WWC2: variants seen among roughly 807,000 people sequenced by gnomAD.
WWC2 encodes WW and C2 domain containing 2.
WWC2 carries 101 observed loss-of-function variants against 138.5 expected under a neutral mutation model. That is an observed-to-expected ratio of 0.73 (90% CI 0.62 to 0.86). The LOEUF (loss-of-function observed/expected upper bound fraction) is 0.86, where lower values mean the gene tolerates loss of function less well. Among genes scored for constraint, WWC2 ranks in the 40% least tolerant of loss-of-function variants. The pLI is 0.00. For missense variants in WWC2, 1,420 were observed against 1,419.4 expected, an observed-to-expected ratio of 1.00 and a Z score of -0.01; for synonymous variants, 558 against 538.4, an observed-to-expected ratio of 1.04 and a Z score of -0.50.
intron 1 of WWC2, among the ~76,000 whole-genome samples, chr4:183,141,669 G>C (rs906612358): frequency 6.6e-6 from 1 of 152,062 alleles, no homozygotes; most frequent in African/African-American, 2.4e-5. Context: ...TGTAGGTGCC[G>C]GTGTGTTGCA....
chr4:183,299,445 A>G (rs1370163738), intron 21 of WWC2, among the ~76,000 whole-genome samples: 1 of 152,182 alleles, frequency 6.6e-6, no homozygotes, highest in Non-Finnish European at 1.5e-5. Flanking sequence ...CCTGCTTTCA[A>G]AATGATTTGA....
chr4:183,320,623 C>T lies in WWC2; in HGVS notation c.*4894C>T, dbSNP rs1321840301. The T allele has an allele frequency of 4.9e-6, 1 of 204,856 alleles. No individual in the cohort carries two copies. Among genetic ancestry groups the T allele is most frequent in the African/African-American group, 2.4e-5 (1 of 42,500 alleles). 12.7% of individuals were successfully genotyped at this position (204,856 alleles called of 1,614,324 possible). A position where few individuals can be genotyped will look rare whatever the true frequency, so the allele number is the denominator to read the frequency against. ...AACTGATGGTTTTGGTTCAACTCCTCCTGCTTTGTGTTTCACTAACTGCAC... is the reference window on the plus strand; with the variant it reads ...AACTGATGGTTTTGGTTCAACTCCTTCTGCTTTGTGTTTCACTAACTGCAC... On this transcript the variant is annotated 3_prime_UTR_variant, in exon 23 of 23. Coordinates refer to ENST00000403733, the MANE Select transcript of WWC2 (RefSeq NM_024949.6).
chr4:183,211,289 G>A (rs891468857), intron 4 of WWC2, among the ~76,000 whole-genome samples: 1 of 151,892 alleles, frequency 6.6e-6, no homozygotes, highest in African/African-American at 2.4e-5. Context: ...GACCAGCCTG[G>A]GCATCATAAC....
At chr4:183,297,591 G>T (rs530928525) in intron 21 of WWC2, among the ~76,000 whole-genome samples, 19 of 152,062 alleles carry the variant, frequency 1.2e-4, no homozygotes, top group African/African-American at 4.1e-4. Flanking sequence ...TTTATATTTA[G>T]TAGAGATGGG....
At chr4:183,174,464 AGTTTGCTTCCCACCGTCCCAAATT>A (rs1171117946) in intron 1 of WWC2, among the ~76,000 whole-genome samples, 1 of 152,112 alleles carries the variant, frequency 6.6e-6, no homozygotes, top group Non-Finnish European at 1.5e-5. Context: ...ACCACGCTGC[AGTTTGCTTCCCACCGTCCCAAATT>A]TTGTTGTTCT....
chr4:183,168,282 C>T (rs1037804455), intron 1 of WWC2, among the ~76,000 whole-genome samples: 4 of 151,082 alleles, frequency 2.6e-5, no homozygotes, highest in African/African-American at 9.8e-5. Context: ...TTCTTAGGAC[C>T]CATTGCCAAT....
chr4:183,298,505 C>A (rs891484263), intron 21 of WWC2, among the ~76,000 whole-genome samples: 11 of 152,192 alleles, frequency 7.2e-5, no homozygotes, highest in Non-Finnish European at 1.2e-4. Context: ...GTGTCAGAGT[C>A]AGATCTTAGA....
rs776759168 is a variant in WWC2, at chr4:183,271,115, T to G, written c.2436T>G (p.Phe812Leu). Residue 812 changes from phenylalanine (F) to leucine (L), a missense_variant, in exon 16 of 23, where the codon TTT becomes TTG. Physicochemically the swap from Phe to Leu is conservative, Grantham distance 22. Coordinates refer to ENST00000403733, the MANE Select transcript of WWC2 (RefSeq NM_024949.6). ...AGATCAGCCTGGCAGATTTACCATT[T>G]TCCAGTGAGGTTTTCACTCTATGGT... is the stretch of plus-strand genomic sequence containing the variant. ...GTQISLADLP[F>L]SSEVFTLWYN... 1.2e-6 allele frequency: 2 copies of G among 1,608,728 alleles called. No homozygotes were observed. The highest frequency in any genetic ancestry group is 2.2e-5 in the South Asian group (2 of 89,746).
intron 1 of WWC2, among the ~76,000 whole-genome samples, chr4:183,167,083 A>G (rs1734149818): frequency 6.6e-6 from 1 of 152,190 alleles, no homozygotes; most frequent in African/African-American, 2.4e-5. Flanking sequence ...ACAAACCACC[A>G]TGGTTTGTGA....
intron 15 of WWC2, chr4:183,269,685 C>T: frequency 3.4e-5 from 12 of 354,580 alleles, no homozygotes; most frequent in South Asian, 2.6e-4. Context: ...ACATAATTCA[C>T]TGTTACAAAT....
At chr4:183,250,606 C>A (rs1267252881) in intron 8 of WWC2, among the ~76,000 whole-genome samples, 4 of 151,712 alleles carry the variant, frequency 2.6e-5, no homozygotes, top group African/African-American at 9.7e-5. Context: ...TCAACAACAA[C>A]AACAAAAAAG....
At position 183,319,646 on chromosome 4, in the gene WWC2, G is replaced by A. The variant is rs758374149; in HGVS notation, c.*3917G>A. 131 of 1,614,136 alleles carry A rather than the reference G, an allele frequency of 8.1e-5. 2 individuals carry two copies. In the South Asian group the frequency reaches 1.1e-3, roughly 13 times the overall value. On this transcript the variant is annotated 3_prime_UTR_variant, in exon 23 of 23. Transcript: ENST00000403733. ...CGTAGTGGCCCGAAGCTAGGGGAGCGTGGCTGGAGCAGGCTGCACAGTGGA... is the reference window on the plus strand; with the variant it reads ...CGTAGTGGCCCGAAGCTAGGGGAGCATGGCTGGAGCAGGCTGCACAGTGGA...
In WWC2 at chr4:183,284,210, T is replaced by A; in HGVS notation, c.2884-16T>A. 1 of 1,609,736 alleles carries A rather than the reference T, an allele frequency of 6.2e-7. No homozygotes were observed. The highest frequency in any genetic ancestry group is 8.5e-7 in the Non-Finnish European group (1 of 1,176,586). ...ACATCTTTCAGCTCCTGACAAATTGTTAACTTCTCTTATAGGTTGACAAAG... is the reference window on the plus strand; with the variant it reads ...ACATCTTTCAGCTCCTGACAAATTGATAACTTCTCTTATAGGTTGACAAAG... On this transcript the variant is annotated splice_polypyrimidine_tract_variant and intron_variant, in intron 18 of 22. Coordinates refer to ENST00000403733, the MANE Select transcript of WWC2 (RefSeq NM_024949.6).
intron 1 of WWC2, among the ~76,000 whole-genome samples, chr4:183,158,465 G>T (rs1007209747): frequency 6.6e-6 from 1 of 151,456 alleles, no homozygotes; most frequent in African/African-American, 2.4e-5. Context: ...GTCTTCACAT[G>T]GTCTTTCCTG....
intron 15 of WWC2, among the ~76,000 whole-genome samples, chr4:183,270,335 A>G (rs1041842207): frequency 2.6e-5 from 4 of 152,300 alleles, no homozygotes; most frequent in Admixed American, 1.3e-4. Flanking sequence ...TTTTTTTGCC[A>G]TTCTACTAAC....
intron 21 of WWC2, among the ~76,000 whole-genome samples, chr4:183,308,973 C>G (rs1352877242): frequency 1.3e-5 from 2 of 151,816 alleles, no homozygotes; most frequent in African/African-American, 4.8e-5. Context: ...GAAAATAAAT[C>G]AAAAAAAGAT....
At chr4:183,253,255 G>A (rs1053939044) in intron 8 of WWC2, among the ~76,000 whole-genome samples, 4 of 152,074 alleles carry the variant, frequency 2.6e-5, no homozygotes, top group African/African-American at 9.7e-5. Context: ...TAATGCCCTA[G>A]TCTCTGTCCA....
chr4:183,281,162 T>A (rs982316271), intron 17 of WWC2: 1 of 459,510 alleles, frequency 2.2e-6, no homozygotes, highest in Non-Finnish European at 3.7e-6. Context: ...GCCTTTTTTT[T>A]TTTAGTCTAA....
At chr4:183,131,614 ATCT>A (rs1299711418) in intron 1 of WWC2, among the ~76,000 whole-genome samples, 10 of 152,168 alleles carry the variant, frequency 6.6e-5, no homozygotes, top group African/African-American at 1.7e-4. Context: ...TGCTACAAAT[ATCT>A]TCTTCTACTT....
Sources: allele counts gnomAD v4.1 joint callset (sites outside exome capture counted in the v4.1 genomes callset), GRCh38; gene constraint gnomAD v4.1.1; transcripts MANE v1.5; gene names NCBI Gene and HGNC (gene_info 2026-07-23, HGNC 2026-07-21).